SGIP1: variants seen among roughly 807,000 people sequenced by gnomAD.
SGIP1 encodes the protein SH3-containing GRB2-like protein 3-interacting protein 1.
A neutral mutation model predicts 107.5 loss-of-function variants in SGIP1; 38 were observed. That is an observed-to-expected ratio of 0.35 (90% CI 0.27 to 0.46). SGIP1 has a LOEUF of 0.46. SGIP1 is among the 20% of genes least tolerant of loss of function. SGIP1 has a pLI of 1.00. For synonymous variants in SGIP1, 365 were observed against 366.1 expected (o/e 1.00, Z 0.03); for missense variants, 929 against 1,019.5 (o/e 0.91, Z 1.21).
intron 22 of SGIP1, among the ~76,000 whole-genome samples, chr1:66,740,381 G>A (rs2094410098): frequency 1.3e-5 from 2 of 152,030 alleles, no homozygotes; most frequent in South Asian, 2.1e-4. Context: ...ATCTTCCCAT[G>A]TATCTGTCTT....
chr1:66,543,191 G>A (rs1170747621), intron 1 of SGIP1, among the ~76,000 whole-genome samples: 3 of 151,578 alleles, frequency 2.0e-5, no homozygotes, highest in African/African-American at 7.3e-5. Context: ...ATGATGTGAT[G>A]TCACTAGTCC....
intron 7 of SGIP1, among the ~76,000 whole-genome samples, chr1:66,659,969 A>G: frequency 3.2e-5 from 2 of 63,030 alleles, no homozygotes; most frequent in Non-Finnish European, 5.2e-5. Context: ...AAAGAAAGAA[A>G]GAAAGAAAGA....
At chr1:66,587,152 T>A (rs969478942) in intron 1 of SGIP1, among the ~76,000 whole-genome samples, 1 of 152,132 alleles carries the variant, frequency 6.6e-6, no homozygotes, top group Admixed American at 6.5e-5. Flanking sequence ...AGAATTTCAA[T>A]CACAGCATAT....
intron 1 of SGIP1, among the ~76,000 whole-genome samples, chr1:66,557,892 A>G (rs1224375403): frequency 6.6e-6 from 1 of 152,116 alleles, no homozygotes; most frequent in Admixed American, 6.6e-5. Flanking sequence ...TAAATACTTA[A>G]TACTTTTTGA....
chr1:66,709,652 C>G (rs1013973954), intron 18 of SGIP1, among the ~76,000 whole-genome samples: 6 of 152,148 alleles, frequency 3.9e-5, no homozygotes, highest in African/African-American at 1.4e-4. Context: ...TCTCACTCAG[C>G]AGGTCAATTG....
intron 1 of SGIP1, among the ~76,000 whole-genome samples, chr1:66,553,783 TG>T: frequency 6.6e-6 from 1 of 152,266 alleles, no homozygotes; most frequent in South Asian, 2.1e-4. Flanking sequence ...CCCTTCACTT[TG>T]CTATGCATCC....
chr1:66,735,985 T>A (rs891426618), intron 21 of SGIP1, among the ~76,000 whole-genome samples: 1 of 151,336 alleles, frequency 6.6e-6, no homozygotes, highest in Non-Finnish European at 1.5e-5. Context: ...TGTACTTTAA[T>A]AAAAATCAGG....
chr1:66,534,618 G>T (rs1302006779), intron 1 of SGIP1, among the ~76,000 whole-genome samples: 2 of 152,208 alleles, frequency 1.3e-5, no homozygotes, highest in African/African-American at 2.4e-5. Context: ...TAAAGTGTTT[G>T]CAGGGAGCTG....
chr1:66,639,166 C>A (rs1466189865), intron 4 of SGIP1, among the ~76,000 whole-genome samples: 1 of 152,132 alleles, frequency 6.6e-6, no homozygotes, highest in African/African-American at 2.4e-5. Context: ...AAAAATCCAC[C>A]ATTAATCCTC....
intron 8 of SGIP1, 64 bp from the exon 9 acceptor site, chr1:66,667,466 C>G (rs902495632): frequency 6.7e-7 from 1 of 1,489,474 alleles, no homozygotes; most frequent in Admixed American, 1.7e-5. Flanking sequence ...TTACCCAAGA[C>G]TGTTGACTGA....
At chr1:66,739,313 T>G (rs778208921) in intron 21 of SGIP1, 22 bp from the exon 22 acceptor site, 2 of 1,603,114 alleles carry the variant, frequency 1.2e-6, no homozygotes, top group South Asian at 2.2e-5. Flanking sequence ...TGTTGTTATT[T>G]TCTTTCCTGT....
intron 1 of SGIP1, among the ~76,000 whole-genome samples, chr1:66,544,854 G>T (rs1387900500): frequency 2.0e-5 from 3 of 152,140 alleles, no homozygotes; most frequent in African/African-American, 4.8e-5. Flanking sequence ...CCGATTGTAG[G>T]TAGAACCTTA....
intron 14 of SGIP1, 58 bp downstream of exon 14, chr1:66,679,810 A>G: frequency 1.4e-6 from 2 of 1,442,854 alleles, no homozygotes; most frequent in Non-Finnish European, 1.9e-6. Context: ...GTGGCCCCGG[A>G]TGAACATGCC....
In SGIP1 at chr1:66,741,388, G is replaced by T. The variant is rs1387537394; in HGVS notation, c.2416G>T (p.Val806Phe). ...STLSGCDIEL[V>F]GAGYRFSLIK... The stretch of plus-strand genomic sequence containing the variant: ...CCTTTCTGGCTGTGACATTGAACTT[G>T]TTGGAGCAGGGTATCGATTTTCACT... Residue 806 changes from valine (V) to phenylalanine (F), a missense_variant, in exon 24 of 25, where the codon GTT becomes TTT. Coordinates refer to ENST00000371037, the MANE Select transcript of SGIP1 (RefSeq NM_032291.4). 1 of 1,608,380 alleles carries T rather than the reference G, an allele frequency of 6.2e-7. No individual in the cohort carries two copies. Among genetic ancestry groups the T allele is most frequent in the South Asian group, 1.1e-5 (1 of 90,154 alleles).
At chr1:66,672,474 G>A (rs1037414858) in intron 11 of SGIP1, among the ~76,000 whole-genome samples, 20 of 152,056 alleles carry the variant, frequency 1.3e-4, no homozygotes, top group African/African-American at 4.8e-4. Context: ...TGTACAAATG[G>A]CATTGTTTTA....
intron 17 of SGIP1, among the ~76,000 whole-genome samples, chr1:66,691,414 C>T (rs558017248): frequency 1.3e-5 from 2 of 152,256 alleles, no homozygotes; most frequent in South Asian, 4.2e-4. Context: ...TATCACGTGC[C>T]TTTATATCTT....
intron 1 of SGIP1, among the ~76,000 whole-genome samples, chr1:66,595,758 A>G (rs1418717112): frequency 2.6e-5 from 4 of 152,236 alleles, no homozygotes; most frequent in Non-Finnish European, 2.9e-5. Flanking sequence ...AATGAAATAC[A>G]GATGTATACA....
At chr1:66,624,746 C>T (rs1268555870) in intron 1 of SGIP1, among the ~76,000 whole-genome samples, 8 of 152,164 alleles carry the variant, frequency 5.3e-5, no homozygotes, top group Admixed American at 5.2e-4. Context: ...CTCAAGAAGA[C>T]TTTCCAAACC....
Position 66,682,167 on chromosome 1 carries a change from A to G in SGIP1, c.1113A>G (p.Leu371=). ...PGPPGPPRNV[L]SPLNLEEVQK... is the part of the protein sequence containing the mutation. Reference sequence around the variant, plus strand: ...CTCCTGGGCCTCCTCGCAATGTACTATCGCCGCTCAATTTAGAAGAAGTCC... The same window carrying G: ...CTCCTGGGCCTCCTCGCAATGTACTGTCGCCGCTCAATTTAGAAGAAGTCC... Residue 371 remains leucine (L), a synonymous_variant, in exon 15 of 25, where the codon CTA becomes CTG. Coordinates refer to ENST00000371037, the MANE Select transcript of SGIP1 (RefSeq NM_032291.4). 6.2e-7 allele frequency: 1 copy of G among 1,614,170 alleles called. No homozygotes were observed. The highest frequency in any genetic ancestry group is 8.5e-7 in the Non-Finnish European group (1 of 1,180,022).
Sources: allele counts gnomAD v4.1 joint callset (sites outside exome capture counted in the v4.1 genomes callset), GRCh38; gene constraint gnomAD v4.1.1; transcripts MANE v1.5; gene names NCBI Gene and HGNC (gene_info 2026-07-23, HGNC 2026-07-21).